Variants in DCDC1 observed in about 807,000 individuals in gnomAD.
DCDC1 encodes the protein doublecortin domain-containing protein 1.
In DCDC1, 200 loss-of-function variants were observed where a neutral mutation model predicts 178.3. The observed-to-expected ratio is 1.12, with a 90% CI of 1.00 to 1.26. The LOEUF (loss-of-function observed/expected upper bound fraction) is 1.26, where lower values mean the gene tolerates loss of function less well. Ranked by LOEUF, DCDC1 falls within the 50% of genes most tolerant of loss-of-function variation. The pLI, the probability that DCDC1 is intolerant of heterozygous loss-of-function variation, is 0.00. For missense variants in DCDC1, 1,983 were observed against 1,749.2 expected (o/e 1.13, Z -2.38); for synonymous variants, 690 against 604.8 (o/e 1.14, Z -2.07).
At chr11:30,940,585 C>G (rs1947574076) in intron 21 of DCDC1, among the ~76,000 whole-genome samples, 1 of 152,204 alleles carries the variant, frequency 6.6e-6, no homozygotes, top group South Asian at 2.1e-4. Flanking sequence ...TGACAAGCAG[C>G]AGGACCTAGA....
chr11:31,091,288 A>G, intron 17 of DCDC1, 105 bp downstream of exon 17: 1 of 572,616 alleles, frequency 1.7e-6, no homozygotes, highest in East Asian at 2.9e-5. Flanking sequence ...AAATTTAAAC[A>G]TTGAATGAAT....
intron 1 of DCDC1, among the ~76,000 whole-genome samples, chr11:31,347,924 C>T (rs903110202): frequency 6.6e-6 from 1 of 152,180 alleles, no homozygotes; most frequent in African/African-American, 2.4e-5. Context: ...GGTGGCATGG[C>T]ACAGCTGTCA....
intron 9 of DCDC1, among the ~76,000 whole-genome samples, chr11:31,204,182 T>C (rs1971615798): frequency 6.6e-6 from 1 of 152,164 alleles, no homozygotes; most frequent in South Asian, 2.1e-4. Context: ...CAGCATGCCA[T>C]TGGTAGTACA....
chr11:31,265,581 A>G lies in DCDC1; in HGVS notation c.980T>C (p.Ile327Thr). 3 of 1,420,966 alleles carry G rather than the reference A, an allele frequency of 2.1e-6. No homozygotes were observed. The highest frequency in any genetic ancestry group is 2.8e-6 in the Non-Finnish European group (3 of 1,080,238). The allele number at this position is 1,420,966 out of a possible 1,614,324, so 88.0% of individuals were successfully genotyped here. A position where few individuals can be genotyped will look rare whatever the true frequency, so the allele number is the denominator to read the frequency against. Residue 327 changes from isoleucine (I) to threonine (T), a missense_variant, in exon 8 of 39, where the codon ATA (isoleucine) becomes ACA (threonine). Transcript: ENST00000684477. ...TMKKVLDTCT[I>T]RMNLNLPARY... ...GGCTGGTAAATTTAGATTCATTCTT[A>G]TTGTACAAGTATCTAAAACCTGTGC...
chr11:31,368,627 T>TTA (rs1952096080), intron 1 of DCDC1, among the ~76,000 whole-genome samples: 3 of 152,214 alleles, frequency 2.0e-5, no homozygotes, highest in Non-Finnish European at 4.4e-5. Flanking sequence ...AGTTATTCTT[T>TTA]ATAGTTCATA....
At chr11:30,961,388 G>A (rs1949088199) in intron 20 of DCDC1, among the ~76,000 whole-genome samples, 1 of 151,974 alleles carries the variant, frequency 6.6e-6, no homozygotes, top group Admixed American at 6.6e-5. Flanking sequence ...ATTTGGATCT[G>A]GTACAGTATA....
Position 30,965,492 on chromosome 11 carries a change from G to A in DCDC1, c.2592-12924C>T, listed in dbSNP as rs184909494. 5.0e-3 allele frequency among the ~76,000 whole-genome samples: 758 copies of A among 151,870 alleles called. 4 individuals are homozygous for A. Among genetic ancestry groups the A allele is most frequent in the Middle Eastern group, 0.014 (4 of 292 alleles). ...GATGGGACCCACACCATCCCAGTCT[G>A]GACTTAAAGCATTCTTGTCACCAGA... On this transcript the variant is annotated intron_variant, in intron 20 of 38. Coordinates refer to ENST00000684477, the MANE Select transcript of DCDC1 (RefSeq NM_001387274.1).
At chr11:30,998,208 C>T (rs1951379033) in intron 20 of DCDC1, among the ~76,000 whole-genome samples, 1 of 152,086 alleles carries the variant, frequency 6.6e-6, no homozygotes, top group Non-Finnish European at 1.5e-5. Context: ...GGGAGAATCA[C>T]TTGAGCCCAG....
chr11:31,089,059 G>T (rs552632378), intron 17 of DCDC1, among the ~76,000 whole-genome samples: 1 of 152,054 alleles, frequency 6.6e-6, no homozygotes, highest in South Asian at 2.1e-4. Context: ...ATTTCCATCT[G>T]GTATCATTTT....
intron 22 of DCDC1, among the ~76,000 whole-genome samples, chr11:30,929,186 G>A (rs1946773493): frequency 6.6e-6 from 1 of 152,042 alleles, no homozygotes; most frequent in South Asian, 2.1e-4. Context: ...GGCTAACAAA[G>A]TGACTCCCTA....
intron 7 of DCDC1, among the ~76,000 whole-genome samples, chr11:31,278,172 A>G (rs1946132691): frequency 6.6e-6 from 1 of 152,142 alleles, no homozygotes; most frequent in Non-Finnish European, 1.5e-5. Context: ...CACTCTATCA[A>G]GAATGATTTA....
chr11:31,104,658 T>C (rs1056522127), intron 13 of DCDC1, among the ~76,000 whole-genome samples: 2 of 152,096 alleles, frequency 1.3e-5, no homozygotes, highest in African/African-American at 4.8e-5. Context: ...GGATATTACA[T>C]TACTGTTGAC....
intron 20 of DCDC1, among the ~76,000 whole-genome samples, chr11:30,975,091 A>G (rs1012234390): frequency 1.3e-5 from 2 of 152,098 alleles, no homozygotes; most frequent in Non-Finnish European, 2.9e-5. Context: ...TAAATTTGAT[A>G]AAATACATCA....
chr11:31,109,639 T>C (rs974107050), intron 12 of DCDC1, among the ~76,000 whole-genome samples: 2 of 152,134 alleles, frequency 1.3e-5, no homozygotes, highest in African/African-American at 4.8e-5. Context: ...AGCAAGTTAC[T>C]GAACAAAGGC....
chr11:31,260,391 T>C (rs1251591615), intron 8 of DCDC1, among the ~76,000 whole-genome samples: 1 of 152,224 alleles, frequency 6.6e-6, no homozygotes, highest in Admixed American at 6.5e-5. Flanking sequence ...TCTATGTTAT[T>C]GGAATTTTAT....
intron 8 of DCDC1, among the ~76,000 whole-genome samples, chr11:31,250,272 GAA>G (rs1943885121): frequency 6.8e-6 from 1 of 146,774 alleles, no homozygotes; most frequent in Non-Finnish European, 1.5e-5. Context: ...AAGTCAAAGA[GAA>G]TTATATTACT....
intron 21 of DCDC1, among the ~76,000 whole-genome samples, chr11:30,938,784 G>C (rs1180235042): frequency 2.0e-5 from 3 of 152,066 alleles, no homozygotes; most frequent in Non-Finnish European, 4.4e-5. Flanking sequence ...CCATAGTTTG[G>C]GGGTTATTTC....
At chr11:31,044,471 C>A (rs1201803519) in intron 20 of DCDC1, among the ~76,000 whole-genome samples, 2 of 124,540 alleles carry the variant, frequency 1.6e-5, no homozygotes, top group East Asian at 4.2e-4. Flanking sequence ...GAGCGATACT[C>A]CATCTCAAAA....
intron 20 of DCDC1, among the ~76,000 whole-genome samples, chr11:31,023,162 T>A (rs1952999544): frequency 6.6e-6 from 1 of 152,132 alleles, no homozygotes; most frequent in African/African-American, 2.4e-5. Context: ...CATGTCCAGC[T>A]GTCCAGAAGC....
Sources: allele counts gnomAD v4.1 joint callset (sites outside exome capture counted in the v4.1 genomes callset), GRCh38; gene constraint gnomAD v4.1.1; transcripts MANE v1.5; gene names NCBI Gene and HGNC (gene_info 2026-07-23, HGNC 2026-07-21).